The following HIPK3 variants were observed in gnomAD, a reference collection of about 807,000 sequenced individuals.
HIPK3 encodes homeodomain interacting protein kinase 3, also known as homeodomain-interacting protein kinase 3.
In HIPK3, 47 loss-of-function variants were observed where a neutral mutation model predicts 124.2. The ratio of observed to expected loss-of-function variants is 0.38; its 90% CI spans 0.30 to 0.48. The LOEUF (loss-of-function observed/expected upper bound fraction) is 0.48. Ranked by LOEUF, HIPK3 falls within the 20% of genes least tolerant of loss-of-function variation. The probability of loss-of-function intolerance (pLI) is 0.98; values close to 1 mark genes in which losing one functional copy is unlikely to be tolerated. For synonymous variants in HIPK3, 482 were observed against 515.2 expected, an observed-to-expected ratio of 0.94 and a Z score of 0.87; for missense variants, 1,286 against 1,454.3, an observed-to-expected ratio of 0.88 and a Z score of 1.88.
chr11:33,289,706 T>TA (rs1851648760), intron 2 of HIPK3, among the ~76,000 whole-genome samples: 1 of 152,168 alleles, frequency 6.6e-6, no homozygotes, highest in Non-Finnish European at 1.5e-5. Flanking sequence ...AAATGAACAA[T>TA]AAATTATTTT....
chr11:33,259,646 T>C (rs962613734), intron 1 of HIPK3, among the ~76,000 whole-genome samples: 17 of 152,214 alleles, frequency 1.1e-4, no homozygotes, highest in Admixed American at 5.2e-4. Flanking sequence ...ACTATAATGC[T>C]TAACCTGTTT....
chr11:33,257,730 A>G lies in HIPK3; in HGVS notation c.-162A>G. 1.0e-6 allele frequency: 1 copy of G among 989,204 alleles called. No homozygotes were observed. Among genetic ancestry groups the G allele is most frequent in the Non-Finnish European group, 1.2e-6 (1 of 832,578 alleles). The allele number at this position is 989,204 out of a possible 1,614,324, so 61.3% of individuals were successfully genotyped here. A position where few individuals can be genotyped will look rare whatever the true frequency, so the allele number is the denominator to read the frequency against. ...TCGCCGTTTCCTCTCAGCCGCCAGG[A>G]CAAGATGGCAGCGGCCGCGGAGAGG... On this transcript the variant is annotated 5_prime_UTR_variant, in exon 1 of 17. Transcript: ENST00000303296.
chr11:33,345,454 C>A (rs901375024), intron 8 of HIPK3, among the ~76,000 whole-genome samples: 1 of 152,114 alleles, frequency 6.6e-6, no homozygotes, highest in Non-Finnish European at 1.5e-5. Context: ...AAGATCTTAT[C>A]CCACTGTTGA....
Position 33,301,827 on chromosome 11 carries a change from C to CACACACACACACAT in HIPK3, c.1097+14329_1097+14330insTACACACACACACA, listed in dbSNP as rs1199456456. 1.3e-4 allele frequency among the ~76,000 whole-genome samples: 19 copies of CACACACACACACAT among 150,408 alleles called. 1 individual carries two copies. The South Asian group carries it at 1.5e-3, about 12-fold the overall frequency. ...ACAGAGTGAAACCCTGTCTGACACACACACACACACACACACACACACACA... is the reference window on the plus strand; with the variant it reads ...ACAGAGTGAAACCCTGTCTGACACACACACACACACACATACACACACACACACACACACACACA... On this transcript the variant is annotated intron_variant, in intron 2 of 16. Coordinates refer to ENST00000303296, the MANE Select transcript of HIPK3 (RefSeq NM_005734.5).
intron 1 of HIPK3, among the ~76,000 whole-genome samples, chr11:33,274,513 TAA>T (rs1305581570): frequency 6.6e-6 from 1 of 152,180 alleles, no homozygotes; most frequent in African/African-American, 2.4e-5. Context: ...AGAATTTAAG[TAA>T]AAATTTTTCT....
intron 2 of HIPK3, among the ~76,000 whole-genome samples, chr11:33,313,970 G>A (rs1435617001): frequency 1.3e-5 from 2 of 152,166 alleles, no homozygotes; most frequent in East Asian, 3.9e-4. Context: ...GGCTTCCCAA[G>A]TAGCTGGGAC....
In HIPK3 at chr11:33,356,857, G is replaced by A. The variant is rs1290988592; in HGVS notation, c.*3289G>A. 1.3e-5 allele frequency: 2 copies of A among 152,048 alleles called. No individual in the cohort carries two copies. The highest frequency in any genetic ancestry group is 2.9e-5 in the Non-Finnish European group (2 of 67,946). 9.4% of individuals were successfully genotyped at this position (152,048 alleles called of 1,614,324 possible). ...GGATGTAATGTCTATTACGGTTTGC[G>A]ATAGTATTTCTCTCTAGTTCTCAGT... On this transcript the variant is annotated 3_prime_UTR_variant, in exon 17 of 17. Coordinates refer to ENST00000303296, the MANE Select transcript of HIPK3 (RefSeq NM_005734.5).
intron 3 of HIPK3, 37 bp downstream of exon 3, chr11:33,328,670 A>G: frequency 6.3e-7 from 1 of 1,592,848 alleles, no homozygotes; most frequent in East Asian, 2.2e-5. Flanking sequence ...ATTGGTAAAA[A>G]GTAAAGAATA....
chr11:33,322,877 GT>G, intron 2 of HIPK3, among the ~76,000 whole-genome samples: 1 of 152,068 alleles, frequency 6.6e-6, no homozygotes, highest in African/African-American at 2.4e-5. Context: ...TTGAATATAT[GT>G]TCCATCAAAG....
At position 33,337,245 on chromosome 11, in the gene HIPK3, T is replaced by C. The variant is rs266475; in HGVS notation, c.1341+51T>C. Reference sequence around the variant, plus strand: ...TAGAAGACTAGTTTTCTAAGATGCCTCATATGCATGGATAATACCTTCCAT... The same window carrying C: ...TAGAAGACTAGTTTTCTAAGATGCCCCATATGCATGGATAATACCTTCCAT... On this transcript the variant is annotated intron_variant, in intron 4 of 16. Transcript: ENST00000303296. 3,486 of 1,143,958 alleles carry C rather than the reference T, an allele frequency of 3.0e-3. 88 individuals carry two copies. The African/African-American group carries it at 0.048, about 16-fold the overall frequency. The allele number at this position is 1,143,958 out of a possible 1,614,324, so 70.9% of individuals were successfully genotyped here.
intron 1 of HIPK3, among the ~76,000 whole-genome samples, chr11:33,262,952 G>T (rs1197943748): frequency 1.3e-5 from 2 of 152,256 alleles, no homozygotes; most frequent in South Asian, 4.1e-4. Context: ...AAATAGCTGA[G>T]ACTACAGGAG....
intron 2 of HIPK3, among the ~76,000 whole-genome samples, chr11:33,290,993 T>G (rs567870366): frequency 6.6e-6 from 1 of 152,210 alleles, no homozygotes; most frequent in African/African-American, 2.4e-5. Flanking sequence ...TTTTGGTTGA[T>G]GTTGCCTCGA....
rs573562605 is a variant in HIPK3, at chr11:33,301,037, T to A, written c.1097+13526T>A. ...ATGTGTATATTTCTATGTCTATCTG[T>A]TTGTATATTAAAATCATAAATTCAT... On this transcript the variant is annotated intron_variant, in intron 2 of 16. Coordinates refer to ENST00000303296, the MANE Select transcript of HIPK3 (RefSeq NM_005734.5). Among the ~76,000 whole-genome samples, 131 of 152,336 alleles carry A rather than the reference T, an allele frequency of 8.6e-4. 1 individual carries two copies. Among genetic ancestry groups the A allele is most frequent in the South Asian group, 4.6e-3 (22 of 4,828 alleles).
chr11:33,281,007 C>T (rs1476955179), intron 1 of HIPK3, among the ~76,000 whole-genome samples: 1 of 150,938 alleles, frequency 6.6e-6, no homozygotes, highest in African/African-American at 2.4e-5. Context: ...ACAGACCTAC[C>T]ACATCAAAAT....
chr11:33,342,881 G>A (rs1853378186), intron 8 of HIPK3, among the ~76,000 whole-genome samples: 2 of 152,236 alleles, frequency 1.3e-5, no homozygotes, highest in Admixed American at 6.5e-5. Context: ...TCTCTTAGTG[G>A]TTTCTAGGGA....
intron 3 of HIPK3, among the ~76,000 whole-genome samples, chr11:33,336,862 T>C (rs983413431): frequency 6.6e-6 from 1 of 152,242 alleles, no homozygotes; most frequent in Non-Finnish European, 1.5e-5. Flanking sequence ...ACAATTACTT[T>C]AGGTATGCCT....
Position 33,257,660 on chromosome 11 carries a change from C to T in HIPK3, c.-232C>T, listed in dbSNP as rs930851190. 29 of 992,154 alleles carry T rather than the reference C, an allele frequency of 2.9e-5. No individual in the cohort carries two copies. In the African/African-American group the frequency reaches 3.3e-4, roughly 11 times the overall value. The allele number at this position is 992,154 out of a possible 1,614,324, so 61.5% of individuals were successfully genotyped here. ...TGAGGGAGACGGGCCCGGCGCTTAG[C>T]AGCCAGAGCAGCAGCAGCAGCAGCA... On this transcript the variant is annotated 5_prime_UTR_variant, in exon 1 of 17. Transcript: ENST00000303296.
Position 33,286,685 on chromosome 11 carries a change from G to A in HIPK3, c.271G>A (p.Ala91Thr), listed in dbSNP as rs759330269. ...SAVVLKNTAG[A>T]TKVIAAQAQQ... ...TGTTGTTTTGAAAAACACTGCAGGT[G>A]CTACAAAGGTCATAGCAGCTCAGGC... The change falls in exon 2 of 17, where the codon GCT (alanine) becomes ACT (threonine). Residue 91 changes from alanine (A) to threonine (T), a missense_variant. Around this residue, in one of 3 missense-constraint regions of HIPK3, gnomAD observed 225 missense variants for 240.3 expected, o/e 0.94. Transcript: ENST00000303296. 1 of 1,614,102 alleles carries A rather than the reference G, an allele frequency of 6.2e-7. No individual in the cohort carries two copies.
intron 2 of HIPK3, among the ~76,000 whole-genome samples, chr11:33,324,538 A>ATCCCCTTCAAGAGAG (rs747029652): frequency 6.6e-6 from 1 of 152,182 alleles, no homozygotes; most frequent in East Asian, 1.9e-4. Flanking sequence ...GCCACTCAGA[A>ATCCCCTTCAAGAGAG]TCCCCTTCAA....
Sources: allele counts gnomAD v4.1 joint callset (sites outside exome capture counted in the v4.1 genomes callset), GRCh38; gene constraint gnomAD v4.1.1; regional missense constraint gnomAD v4.1.1; transcripts MANE v1.5; gene names NCBI Gene and HGNC (gene_info 2026-07-23, HGNC 2026-07-21).